The following WDR89 variants were observed in gnomAD, a reference collection of about 807,000 sequenced individuals.
The protein encoded by WDR89 is WD repeat-containing protein 89.
A neutral mutation model predicts 29.1 loss-of-function variants in WDR89; 17 were observed. The ratio of observed to expected loss-of-function variants is 0.58; its 90% CI spans 0.40 to 0.88. WDR89 has a LOEUF of 0.88. Among genes scored for constraint, WDR89 ranks in the 40% least tolerant of loss-of-function variants. The probability of loss-of-function intolerance (pLI) is 0.00; values close to 1 mark genes in which losing one functional copy is unlikely to be tolerated. For synonymous variants in WDR89, 138 were observed against 157.8 expected (o/e 0.87, Z 0.94); for missense variants, 396 against 456.3 (o/e 0.87, Z 1.20).
chr14:63,607,868 C>T (rs570685396), intron 2 of WDR89, among the ~76,000 whole-genome samples: 200 of 125,238 alleles, frequency 1.6e-3, no homozygotes, highest in Admixed American at 2.6e-3. Flanking sequence ...GCAACAAGAG[C>T]GAAAGTCTGA....
chr14:63,624,551 C>T (rs1882914903), intron 2 of WDR89, among the ~76,000 whole-genome samples: 2 of 148,802 alleles, frequency 1.3e-5, no homozygotes, highest in Non-Finnish European at 3.0e-5. Context: ...GACTGGGAGA[C>T]CATATTTGCA....
chr14:63,610,629 T>C lies in WDR89; in HGVS notation c.-31-10656A>G, dbSNP rs148047331. 7.2e-4 allele frequency among the ~76,000 whole-genome samples: 109 copies of C among 152,228 alleles called. 2 individuals are homozygous for C. In the East Asian group the frequency reaches 0.012, roughly 17 times the overall value. ...AGGCATTTCATTCACCTCTGTTATG[T>C]TATTCCCCACAGTCTAATCATGAGA... On this transcript the variant is annotated intron_variant, in intron 2 of 2. Transcript: ENST00000620954.
chr14:63,634,521 CAA>C (rs536589308), intron 1 of WDR89, among the ~76,000 whole-genome samples: 3 of 121,338 alleles, frequency 2.5e-5, no homozygotes, highest in Admixed American at 8.5e-5. Context: ...GACTCCCTCT[CAA>C]AAAAAAAAAA....
At position 63,599,224 on chromosome 14, in the gene WDR89, C is replaced by A; in HGVS notation, c.719G>T (p.Gly240Val). 6.2e-7 allele frequency: 1 copy of A among 1,605,006 alleles called. No homozygotes were observed. The change falls in exon 3 of 3, where the codon GGA becomes GTA. Residue 240 changes from glycine (G) to valine (V), a missense_variant. By Grantham distance (109) the Gly-to-Val change is moderately radical. Transcript: ENST00000620954. The stretch of plus-strand genomic sequence containing the variant: ...ATGATTAAGATCCCACCAATAAAAT[C>A]CTTCATCATGTGTCATGCAGTAAAT... ...KQIYCMTHDEGFYWWDLNHLD... is the reference protein window; with the variant it reads ...KQIYCMTHDEVFYWWDLNHLD...
In WDR89 at chr14:63,620,897, CAAAA is replaced by C. The variant is rs539451063; in HGVS notation, c.-32+4027_-32+4030del. On this transcript the variant is annotated intron_variant, in intron 2 of 2. Transcript: ENST00000620954. ...TGGGTGACACAGCGAGACTCCATCT[CAAAA>C]AAAAAAAAAAAAATTGCCAAGAGTT... Among the ~76,000 whole-genome samples the C allele has an allele frequency of 3.6e-5, 3 of 82,984 alleles. 1 individual carries two copies. The highest frequency in any genetic ancestry group is 1.6e-4 in the African/African-American group (3 of 18,972). 54.4% of individuals were successfully genotyped at this position (82,984 alleles called of 152,430 possible).
At chr14:63,639,934 A>G (rs928139474) in intron 1 of WDR89, among the ~76,000 whole-genome samples, 1 of 152,152 alleles carries the variant, frequency 6.6e-6, no homozygotes, top group Non-Finnish European at 1.5e-5. Context: ...GTGAGCTAAG[A>G]CTGTGCCACC....
Position 63,635,400 on chromosome 14 carries a change from C to T in WDR89, c.-138+6404G>A, listed in dbSNP as rs193191178. On this transcript the variant is annotated intron_variant, in intron 1 of 2. Transcript: ENST00000620954. ...AATCACATGATCATCTCAATAGATA[C>T]AGAAAAAGCATTTGACAAAATCCAG... Among the ~76,000 whole-genome samples, 571 of 152,218 alleles carry T rather than the reference C, an allele frequency of 3.8e-3. 4 individuals carry two copies. The highest frequency in any genetic ancestry group is 0.016 in the South Asian group (77 of 4,826).
rs567214566 is a variant in WDR89 at position 63,615,691 on chromosome 14, C to T, written c.-32+9237G>A. On this transcript the variant is annotated intron_variant, in intron 2 of 2. Coordinates refer to ENST00000620954, the MANE Select transcript of WDR89 (RefSeq NM_080666.4). ...CCTGTAGTCCCAGCACTTTGGCAGG[C>T]CGAGGCAGGCAGATCATGAGGACAG... Among the ~76,000 whole-genome samples the T allele has an allele frequency of 4.6e-5, 7 of 152,292 alleles. No homozygotes were observed. The East Asian group carries it at 9.6e-4, about 21-fold the overall frequency.
rs569722611 is a variant in WDR89 at position 63,597,558 on chromosome 14, T to C, written c.*1221A>G. On this transcript the variant is annotated 3_prime_UTR_variant, in exon 3 of 3. Transcript: ENST00000620954. ...CATCTTCCAACACTATTAATTACTT[T>C]TGAATTTTAAATATTTTTAATTTTA... 2 of 152,354 alleles carry C rather than the reference T, an allele frequency of 1.3e-5. No individual in the cohort carries two copies. Among genetic ancestry groups the C allele is most frequent in the African/African-American group, 4.8e-5 (2 of 41,576 alleles). The allele number at this position is 152,354 out of a possible 1,614,324, so 9.4% of individuals were successfully genotyped here. A position where few individuals can be genotyped will look rare whatever the true frequency, so the allele number is the denominator to read the frequency against.
In WDR89 at chr14:63,609,103, T is replaced by G. The variant is rs533296092; in HGVS notation, c.-31-9130A>C. ...CTCCAGCCTGGCAACAGAGCAAAAC[T>G]CCATCTCAAAAAAAAAAACCCAAAA... On this transcript the variant is annotated intron_variant, in intron 2 of 2. Coordinates refer to ENST00000620954, the MANE Select transcript of WDR89 (RefSeq NM_080666.4). Among the ~76,000 whole-genome samples the G allele has an allele frequency of 8.3e-5, 12 of 144,254 alleles. 1 individual carries two copies. In the South Asian group the frequency reaches 2.6e-3, roughly 32 times the overall value. The allele number at this position is 144,254 out of a possible 152,430, so 94.6% of individuals were successfully genotyped here. A position where few individuals can be genotyped will look rare whatever the true frequency, so the allele number is the denominator to read the frequency against.
intron 2 of WDR89, among the ~76,000 whole-genome samples, chr14:63,609,963 C>T (rs1172067468): frequency 6.6e-6 from 1 of 151,802 alleles, no homozygotes; most frequent in South Asian, 2.1e-4. Context: ...TAAAAACGCC[C>T]TTGAGTTCCT....
At chr14:63,615,068 C>T (rs1882222835) in intron 2 of WDR89, among the ~76,000 whole-genome samples, 1 of 152,200 alleles carries the variant, frequency 6.6e-6, no homozygotes, top group African/African-American at 2.4e-5. Flanking sequence ...GGAAATGACA[C>T]ATACTTTCTC....
chr14:63,626,393 G>A (rs144737868), intron 1 of WDR89, among the ~76,000 whole-genome samples: 7 of 151,958 alleles, frequency 4.6e-5, no homozygotes, highest in East Asian at 1.9e-4. Context: ...AACCTCAGCC[G>A]GGCGTGGTGC....
In WDR89 at chr14:63,598,592, T is replaced by G. The variant is rs146516134; in HGVS notation, c.*187A>C. On this transcript the variant is annotated 3_prime_UTR_variant, in exon 3 of 3. Coordinates refer to ENST00000620954, the MANE Select transcript of WDR89 (RefSeq NM_080666.4). ...TACTTTCAACTCACTGATTTTATAC[T>G]TAGAGGCTTTAAAATTTTTTAGAAT... 1.5e-3 allele frequency: 685 copies of G among 454,088 alleles called. 4 individuals are homozygous for G. The highest frequency in any genetic ancestry group is 0.013 in the African/African-American group (638 of 49,684). The allele number at this position is 454,088 out of a possible 1,614,324, so 28.1% of individuals were successfully genotyped here.
intron 2 of WDR89, among the ~76,000 whole-genome samples, chr14:63,616,800 A>G (rs1882334798): frequency 6.6e-6 from 1 of 152,210 alleles, no homozygotes; most frequent in Admixed American, 6.5e-5. Context: ...GACACTGAGA[A>G]TGGGTTCCTT....
intron 2 of WDR89, among the ~76,000 whole-genome samples, chr14:63,604,963 C>T (rs868819520): frequency 6.6e-6 from 1 of 152,088 alleles, no homozygotes; most frequent in South Asian, 2.1e-4. Context: ...GCCTGAGCAA[C>T]ATAAAGAAAC....
At chr14:63,622,495 C>T (rs1333686304) in intron 2 of WDR89, among the ~76,000 whole-genome samples, 2 of 152,242 alleles carry the variant, frequency 1.3e-5, no homozygotes, top group East Asian at 1.9e-4. Context: ...ACAGGAGAAT[C>T]GCTTGAACCC....
chr14:63,630,440 C>T (rs1246757531), intron 1 of WDR89, among the ~76,000 whole-genome samples: 1 of 150,790 alleles, frequency 6.6e-6, no homozygotes, highest in Non-Finnish European at 1.5e-5. Flanking sequence ...GTCAGGAGTT[C>T]GAGACCAGCC....
Position 63,607,138 on chromosome 14 carries a change from T to C in WDR89, c.-31-7165A>G, listed in dbSNP as rs141983002. ...ACAATAAGCAATCATCCTTTACTTT[T>C]AATTTTTCATGTGATCTACTTTTCT... On this transcript the variant is annotated intron_variant, in intron 2 of 2. Transcript: ENST00000620954. Among the ~76,000 whole-genome samples the C allele has an allele frequency of 6.2e-4, 95 of 152,316 alleles. No individual in the cohort carries two copies. In the East Asian group the frequency reaches 0.01, roughly 17 times the overall value.
Sources: allele counts gnomAD v4.1 joint callset (sites outside exome capture counted in the v4.1 genomes callset), GRCh38; gene constraint gnomAD v4.1.1; transcripts MANE v1.5; gene names NCBI Gene and HGNC (gene_info 2026-07-23, HGNC 2026-07-21).